SH3KBP1: variants seen among roughly 807,000 people sequenced by gnomAD.
The protein encoded by SH3KBP1 is SH3 domain-containing kinase-binding protein 1.
SH3KBP1 carries 8 observed loss-of-function variants against 50.1 expected under a neutral mutation model. The ratio of observed to expected loss-of-function variants is 0.16; its 90% CI spans 0.09 to 0.29. The LOEUF (loss-of-function observed/expected upper bound fraction) is 0.29. SH3KBP1 is among the 10% of genes least tolerant of loss of function. The pLI, the probability that SH3KBP1 is intolerant of heterozygous loss-of-function variation, is 1.00. For synonymous variants in SH3KBP1, 227 were observed against 218.6 expected, an observed-to-expected ratio of 1.04 and a Z score of -0.34; for missense variants, 377 against 535.2, an observed-to-expected ratio of 0.70 and a Z score of 2.92.
intron 4 of SH3KBP1, among the ~76,000 whole-genome samples, chrX:19,697,647 T>G (rs1007559284): frequency 2.7e-5 from 3 of 112,331 alleles, no homozygotes; most frequent in Non-Finnish European, 5.6e-5. Flanking sequence ...GACCATGACT[T>G]AGCACACATC....
chrX:19,634,008 G>A (rs2148301738), intron 7 of SH3KBP1, among the ~76,000 whole-genome samples: 1 of 108,319 alleles, frequency 9.2e-6, no homozygotes, highest in Non-Finnish European at 1.9e-5. Flanking sequence ...GGGGGTGGGA[G>A]AGGCTGTTAG....
chrX:19,713,238 CA>C (rs1160577370), intron 3 of SH3KBP1, among the ~76,000 whole-genome samples: 1 of 109,689 alleles, frequency 9.1e-6, no homozygotes, highest in African/African-American at 3.3e-5. Flanking sequence ...AACAAACAAA[CA>C]AAAAACTCAT....
At chrX:19,846,298 C>A (rs1706568949) in intron 1 of SH3KBP1, among the ~76,000 whole-genome samples, 1 of 112,212 alleles carries the variant, frequency 8.9e-6, no homozygotes, top group African/African-American at 3.2e-5. Flanking sequence ...GATTGGCCAG[C>A]CTCAGCTTCC....
chrX:19,647,276 G>GAA (rs56336116), intron 6 of SH3KBP1, among the ~76,000 whole-genome samples: 3 of 87,896 alleles, frequency 3.4e-5, no homozygotes, highest in Non-Finnish European at 4.6e-5. Flanking sequence ...TTGCTTCCCT[G>GAA]AAAAAAAAAA....
rs1349746722 is a variant in SH3KBP1, at chrX:19,546,104, A to G, written c.1495-54T>C. ...TCAGAATTACACCTTAGCTGACACCACTTTCGTTAATATAATGCTGTATGC... is the reference window on the plus strand; with the variant it reads ...TCAGAATTACACCTTAGCTGACACCGCTTTCGTTAATATAATGCTGTATGC... On this transcript the variant is annotated intron_variant, in intron 14 of 17. Transcript: ENST00000397821. 6 of 1,166,713 alleles carry G rather than the reference A, an allele frequency of 5.1e-6. No individual in the cohort carries two copies. The East Asian group carries it at 1.8e-4, about 35-fold the overall frequency.
At chrX:19,652,589 A>G (rs1013143314) in intron 6 of SH3KBP1, among the ~76,000 whole-genome samples, 1 of 112,227 alleles carries the variant, frequency 8.9e-6, no homozygotes, top group Non-Finnish European at 1.9e-5. Context: ...AATTTGGCAA[A>G]GACTGAATAC....
chrX:19,811,996 C>T (rs1164016973), intron 2 of SH3KBP1, among the ~76,000 whole-genome samples: 1 of 111,900 alleles, frequency 8.9e-6, no homozygotes, highest in African/African-American at 3.3e-5. Context: ...CAGTTCCTCC[C>T]GCTCTGGGTC....
At chrX:19,822,980 T>C (rs1220620392) in intron 2 of SH3KBP1, among the ~76,000 whole-genome samples, 1 of 112,431 alleles carries the variant, frequency 8.9e-6, no homozygotes, top group Non-Finnish European at 1.9e-5. Context: ...ATGTTTGTTC[T>C]AGTCAGATTC....
chrX:19,752,937 G>A (rs900451296), intron 2 of SH3KBP1, among the ~76,000 whole-genome samples: 1 of 111,601 alleles, frequency 9.0e-6, no homozygotes, highest in Non-Finnish European at 1.9e-5. Context: ...TGAGCCATGC[G>A]TGTCTCATCT....
intron 2 of SH3KBP1, among the ~76,000 whole-genome samples, chrX:19,755,613 A>G (rs993534852): frequency 1.3e-4 from 14 of 111,520 alleles, no homozygotes; most frequent in Admixed American, 5.7e-4. Flanking sequence ...GCTTAACTGC[A>G]TTCACGATGA....
intron 2 of SH3KBP1, among the ~76,000 whole-genome samples, chrX:19,749,354 T>G (rs752556705): frequency 1.8e-5 from 2 of 112,810 alleles, no homozygotes; most frequent in South Asian, 7.2e-4. Flanking sequence ...CAAGGCAAAC[T>G]TGTATGCCAG....
chrX:19,641,021 G>A (rs547610419), intron 7 of SH3KBP1, among the ~76,000 whole-genome samples: 1 of 112,314 alleles, frequency 8.9e-6, no homozygotes, highest in East Asian at 2.8e-4. Context: ...GCTGCTGTCC[G>A]CTCTGACCCT....
At chrX:19,811,754 C>T (rs968169591) in intron 2 of SH3KBP1, among the ~76,000 whole-genome samples, 3 of 111,867 alleles carry the variant, frequency 2.7e-5, no homozygotes, top group Non-Finnish European at 1.9e-5. Flanking sequence ...ACCATGGCTT[C>T]GTTTGACAGC....
intron 1 of SH3KBP1, among the ~76,000 whole-genome samples, chrX:19,861,778 G>A (rs948115849): frequency 6.2e-5 from 7 of 112,146 alleles, no homozygotes; most frequent in African/African-American, 2.3e-4. Flanking sequence ...GCCCTTGTTT[G>A]ATACGAGGAA....
At chrX:19,753,382 T>C (rs1309536512) in intron 2 of SH3KBP1, among the ~76,000 whole-genome samples, 1 of 111,814 alleles carries the variant, frequency 8.9e-6, no homozygotes, top group Non-Finnish European at 1.9e-5. Flanking sequence ...TTTTTAAAAA[T>C]CACTAAAAAC....
At chrX:19,604,891 G>A (rs907689441) in intron 9 of SH3KBP1, among the ~76,000 whole-genome samples, 10 of 112,008 alleles carry the variant, frequency 8.9e-5, no homozygotes, top group African/African-American at 2.6e-4. Context: ...TTTGTCTGAC[G>A]GGTATGACTA....
At chrX:19,740,412 A>G (rs962346616) in intron 3 of SH3KBP1, among the ~76,000 whole-genome samples, 5 of 112,219 alleles carry the variant, frequency 4.5e-5, no homozygotes, top group Non-Finnish European at 7.5e-5. Context: ...TCACTGCCAG[A>G]TCGCCAGATT....
At chrX:19,732,770 G>C (rs2064419237) in intron 3 of SH3KBP1, among the ~76,000 whole-genome samples, 1 of 111,650 alleles carries the variant, frequency 9.0e-6, no homozygotes, top group Non-Finnish European at 1.9e-5. Flanking sequence ...AAATATAAAA[G>C]AGGAACTTTT....
At chrX:19,795,559 T>C (rs774559650) in intron 2 of SH3KBP1, among the ~76,000 whole-genome samples, 3 of 111,528 alleles carry the variant, frequency 2.7e-5, no homozygotes, top group Non-Finnish European at 5.6e-5. Context: ...CCTCCTTTTG[T>C]GCTAATTTCT....
Sources: allele counts gnomAD v4.1 joint callset (sites outside exome capture counted in the v4.1 genomes callset), GRCh38; gene constraint gnomAD v4.1.1; transcripts MANE v1.5; gene names NCBI Gene and HGNC (gene_info 2026-07-23, HGNC 2026-07-21).